Variants in CRACD observed in about 807,000 individuals in gnomAD.
The protein encoded by CRACD is capping protein inhibiting regulator of actin dynamics, also known as capping protein-inhibiting regulator of actin dynamics.
CRACD carries 56 observed loss-of-function variants against 106.8 expected under a neutral mutation model. The observed-to-expected ratio is 0.52, with a 90% CI of 0.42 to 0.66. CRACD has a LOEUF of 0.66. Ranked by LOEUF, CRACD falls within the 30% of genes least tolerant of loss-of-function variation. CRACD has a pLI of 0.00. For synonymous variants in CRACD, 754 were observed against 670.8 expected (o/e 1.12, Z -1.92); for missense variants, 1,730 against 1,623.2 (o/e 1.07, Z -1.13).
chr4:56,099,687 T>G (rs1424032052), intron 1 of CRACD, among the ~76,000 whole-genome samples: 1 of 152,184 alleles, frequency 6.6e-6, no homozygotes, highest in Non-Finnish European at 1.5e-5. Context: ...GAGTTCAATT[T>G]GTCACTCACT....
intron 1 of CRACD, among the ~76,000 whole-genome samples, chr4:56,131,310 G>C (rs1445895554): frequency 6.6e-6 from 1 of 152,154 alleles, no homozygotes; most frequent in Non-Finnish European, 1.5e-5. Context: ...GAGTTTGAAT[G>C]GGTTGACCTA....
chr4:56,216,567 G>C (rs1377059281), intron 2 of CRACD, among the ~76,000 whole-genome samples: 1 of 152,142 alleles, frequency 6.6e-6, no homozygotes, highest in Non-Finnish European at 1.5e-5. Context: ...CACTCTCTGT[G>C]GGGTGTGTGT....
At chr4:56,122,354 A>T (rs1379789587) in intron 1 of CRACD, among the ~76,000 whole-genome samples, 4 of 152,078 alleles carry the variant, frequency 2.6e-5, no homozygotes, top group Non-Finnish European at 5.9e-5. Context: ...AGAAAAAAAA[A>T]GTCAGGAAAA....
At chr4:56,172,103 C>A (rs1418104786) in intron 1 of CRACD, among the ~76,000 whole-genome samples, 1 of 144,860 alleles carries the variant, frequency 6.9e-6, no homozygotes, top group East Asian at 2.0e-4. Context: ...AAGTTCAGAT[C>A]ATTCCTGCAG....
At chr4:56,094,196 A>G (rs546181643) in intron 1 of CRACD, among the ~76,000 whole-genome samples, 6 of 152,310 alleles carry the variant, frequency 3.9e-5, no homozygotes, top group Admixed American at 2.0e-4. Flanking sequence ...ATTGGTTGAT[A>G]TGTATATTTT....
chr4:56,312,039 C>T (rs748526433), intron 6 of CRACD, among the ~76,000 whole-genome samples: 7 of 152,098 alleles, frequency 4.6e-5, no homozygotes, highest in Non-Finnish European at 7.4e-5. Context: ...ACAATTCATC[C>T]TTTGAAGGAC....
intron 1 of CRACD, among the ~76,000 whole-genome samples, chr4:56,176,992 T>C (rs1053899487): frequency 6.6e-6 from 1 of 152,214 alleles, no homozygotes; most frequent in Non-Finnish European, 1.5e-5. Context: ...TGTAAGATAA[T>C]GTCATCTGCA....
At chr4:56,117,488 G>A (rs1044130637) in intron 1 of CRACD, among the ~76,000 whole-genome samples, 2 of 151,864 alleles carry the variant, frequency 1.3e-5, no homozygotes, top group Admixed American at 6.6e-5. Flanking sequence ...AGGCTGGAAG[G>A]AGGTTGGGAA....
chr4:56,114,596 T>C (rs1392736615), intron 1 of CRACD, among the ~76,000 whole-genome samples: 1 of 152,142 alleles, frequency 6.6e-6, no homozygotes, highest in African/African-American at 2.4e-5. Flanking sequence ...TTTTTTTCTT[T>C]TAAAATAACT....
chr4:56,132,202 A>AT (rs906725316), intron 1 of CRACD, among the ~76,000 whole-genome samples: 18 of 151,752 alleles, frequency 1.2e-4, no homozygotes, highest in African/African-American at 3.4e-4. Flanking sequence ...TGCCTGGCTA[A>AT]TTTTTTTTGG....
At chr4:56,223,500 AT>A (rs1739153905) in intron 2 of CRACD, among the ~76,000 whole-genome samples, 1 of 152,046 alleles carries the variant, frequency 6.6e-6, no homozygotes, top group South Asian at 2.1e-4. Flanking sequence ...CATTTTTAAT[AT>A]TTTAGTCTTT....
chr4:56,089,557 A>C (rs866525903), intron 1 of CRACD, among the ~76,000 whole-genome samples: 40 of 136,960 alleles, frequency 2.9e-4, no homozygotes, highest in African/African-American at 7.6e-4. Flanking sequence ...CTTGTTGCCC[A>C]GGCTGGAGTG....
chr4:56,316,006 T>C lies in CRACD; in HGVS notation c.2504T>C (p.Met835Thr), dbSNP rs1345485934. 6.2e-7 allele frequency: 1 copy of C among 1,614,084 alleles called. No homozygotes were observed. The highest frequency in any genetic ancestry group is 8.5e-7 in the Non-Finnish European group (1 of 1,180,038). Reference protein sequence around the residue: ...ANGIAKPDPVMPGGEEKASPF... With the variant: ...ANGIAKPDPVTPGGEEKASPF... The stretch of plus-strand genomic sequence containing the variant: ...GGGATAGCAAAGCCAGACCCTGTGA[T>C]GCCAGGTGGAGAGGAAAAAGCCTCA... Residue 835 changes from methionine to threonine, a missense_variant, in exon 8 of 11, where the codon ATG (methionine) becomes ACG (threonine). By Grantham distance (81) the Met-to-Thr change is moderately conservative. Transcript: ENST00000682029.
intron 2 of CRACD, among the ~76,000 whole-genome samples, chr4:56,265,451 A>G (rs955484842): frequency 2.0e-5 from 3 of 151,314 alleles, no homozygotes; most frequent in Non-Finnish European, 4.4e-5. Flanking sequence ...TGTATGAAAT[A>G]TATGGTACCA....
At chr4:56,147,891 C>A (rs1560464248) in intron 1 of CRACD, among the ~76,000 whole-genome samples, 1 of 152,144 alleles carries the variant, frequency 6.6e-6, no homozygotes, top group East Asian at 1.9e-4. Flanking sequence ...GCTAACATGA[C>A]TGTATTTTGA....
intron 3 of CRACD, among the ~76,000 whole-genome samples, chr4:56,285,306 C>T (rs1167621911): frequency 3.9e-5 from 6 of 152,106 alleles, no homozygotes; most frequent in Non-Finnish European, 5.9e-5. Context: ...GGGTAAGAAC[C>T]GAATTTCGAG....
At chr4:56,306,862 G>A (rs1171216735) in intron 4 of CRACD, among the ~76,000 whole-genome samples, 1 of 152,136 alleles carries the variant, frequency 6.6e-6, no homozygotes. Flanking sequence ...GGTGGCCACA[G>A]CAAGGCAAAG....
intron 1 of CRACD, among the ~76,000 whole-genome samples, chr4:56,103,760 C>T (rs1011404872): frequency 6.6e-6 from 1 of 152,172 alleles, no homozygotes; most frequent in Non-Finnish European, 1.5e-5. Flanking sequence ...TCTTAAAACA[C>T]AAAATAGCCA....
At chr4:56,130,356 A>G (rs1470378635) in intron 1 of CRACD, among the ~76,000 whole-genome samples, 2 of 152,220 alleles carry the variant, frequency 1.3e-5, no homozygotes, top group Admixed American at 6.5e-5. Context: ...TGTAATGTAT[A>G]TAGGAAAATA....
Sources: gnomAD v4.1 joint callset for allele counts (sites outside exome capture counted in the v4.1 genomes callset) on GRCh38, gnomAD v4.1.1 for gene constraint, MANE v1.5 for transcripts, NCBI Gene and HGNC (gene_info 2026-07-23, HGNC 2026-07-21) for gene names.